ZNF160: variants seen among roughly 807,000 people sequenced by gnomAD.
ZNF160 encodes zinc finger protein 160, also known as KRAB zinc finger protein KR18.
In ZNF160, 9 loss-of-function variants were observed where a neutral mutation model predicts 13.1. That is an observed-to-expected ratio of 0.69 (90% CI 0.41 to 1.20). The LOEUF is 1.20. Ranked by LOEUF, ZNF160 falls within the 50% of genes most tolerant of loss-of-function variation. The pLI, the probability that ZNF160 is intolerant of heterozygous loss-of-function variation, is 0.01. For synonymous variants in ZNF160, 293 were observed against 333.2 expected (o/e 0.88, Z 1.31); for missense variants, 838 against 988.0 (o/e 0.85, Z 2.04).
In ZNF160 at chr19:53,068,536, G is replaced by C; in HGVS notation, c.1998C>G (p.Thr666=). ...KAFSMHSNLT[T]HKVIHTGEKP... ...TCTCTCCAGTATGGATGACCTTATG[G>C]GTAGTTAGGTTTGAATGCATACTAA... Residue 666 remains threonine, a synonymous_variant, in exon 6 of 6, where the codon ACC becomes ACG. Transcript: ENST00000683776. The C allele has an allele frequency of 1.2e-6, 2 of 1,614,022 alleles. No homozygotes were observed. The highest frequency in any genetic ancestry group is 1.7e-6 in the Non-Finnish European group (2 of 1,180,006).
At chr19:53,090,914 C>T (rs2085010669) in intron 2 of ZNF160, 1 of 152,294 alleles carries the variant, frequency 6.6e-6, no homozygotes, top group African/African-American at 2.4e-5. Context: ...GGCATGAAAG[C>T]TCTCTACATG....
At position 53,066,752 on chromosome 19, in the gene ZNF160, C is replaced by G. The variant is rs1316891113; in HGVS notation, c.*1325G>C. The G allele has an allele frequency of 1.3e-5, 2 of 152,122 alleles. No individual in the cohort carries two copies. The highest frequency in any genetic ancestry group is 4.8e-5 in the African/African-American group (2 of 41,422). The allele number at this position is 152,122 out of a possible 1,614,324, so 9.4% of individuals were successfully genotyped here. On this transcript the variant is annotated 3_prime_UTR_variant, in exon 6 of 6. Transcript: ENST00000683776. ...TGTTACTCTACTTCTGTTGATTAAACTCTTCACTCTGACAACTACTCTCTC... is the reference window on the plus strand; with the variant it reads ...TGTTACTCTACTTCTGTTGATTAAAGTCTTCACTCTGACAACTACTCTCTC...
At position 53,067,727 on chromosome 19, in the gene ZNF160, G is replaced by C. The variant is rs2084010865; in HGVS notation, c.*350C>G. ...TATAATTTTTAGCATATTTGGACTT[G>C]TGAGTATTCTACAGTGTATAATATC... is the stretch of plus-strand genomic sequence containing the variant. On this transcript the variant is annotated 3_prime_UTR_variant, in exon 6 of 6. Coordinates refer to ENST00000683776, the MANE Select transcript of ZNF160 (RefSeq NM_001322131.2). The C allele has an allele frequency of 5.1e-6, 1 of 194,246 alleles. No individual in the cohort carries two copies. The highest frequency in any genetic ancestry group is 2.3e-5 in the African/African-American group (1 of 43,044). 12.0% of individuals were successfully genotyped at this position (194,246 alleles called of 1,614,324 possible). A position where few individuals can be genotyped will look rare whatever the true frequency, so the allele number is the denominator to read the frequency against.
chr19:53,067,078 GC>G lies in ZNF160; in HGVS notation c.*998del, dbSNP rs2083992684. 1.3e-5 allele frequency: 2 copies of G among 152,156 alleles called. No homozygotes were observed. Among genetic ancestry groups the G allele is most frequent in the South Asian group, 4.1e-4 (2 of 4,830 alleles). 9.4% of individuals were successfully genotyped at this position (152,156 alleles called of 1,614,324 possible). On this transcript the variant is annotated 3_prime_UTR_variant, in exon 6 of 6. Coordinates refer to ENST00000683776, the MANE Select transcript of ZNF160 (RefSeq NM_001322131.2). Reference sequence around the variant, plus strand: ...TTACAGGTGTGAGCCACCGCGCCTGGCCTCTCTCTTCAATTTCAAAACAAGA... The same window carrying G: ...TTACAGGTGTGAGCCACCGCGCCTGGCTCTCTCTTCAATTTCAAAACAAGA...
rs74341609 is a variant in ZNF160 at position 53,083,223 on chromosome 19, G to A, written c.15+3039C>T. Among the ~76,000 whole-genome samples the A allele has an allele frequency of 7.8e-4, 119 of 152,154 alleles. 1 individual carries two copies. In the East Asian group the frequency reaches 0.019, roughly 24 times the overall value. On this transcript the variant is annotated intron_variant, in intron 3 of 5. Transcript: ENST00000683776. ...ACTGGTGATCAACTTAACCTTCGTC[G>A]CCTCTCCCCCTCCCTGGTAGCTGAG... is the stretch of plus-strand genomic sequence containing the variant.
chr19:53,075,692 C>T, intron 3 of ZNF160: 1 of 517,216 alleles, frequency 1.9e-6, no homozygotes, highest in South Asian at 1.4e-5. Flanking sequence ...TAGATCACTT[C>T]CATCTAGATG....
At chr19:53,074,760 A>G (rs143099909) in intron 4 of ZNF160, among the ~76,000 whole-genome samples, 4 of 152,228 alleles carry the variant, frequency 2.6e-5, no homozygotes, top group African/African-American at 9.6e-5. Context: ...TATTCCACCA[A>G]CAACTTAATC....
intron 1 of ZNF160, among the ~76,000 whole-genome samples, chr19:53,101,441 T>C (rs1412554410): frequency 6.6e-6 from 1 of 150,500 alleles, no homozygotes; most frequent in Non-Finnish European, 1.5e-5. Flanking sequence ...TATTATTTAA[T>C]ATGTATATGA....
intron 5 of ZNF160, chr19:53,073,149 G>A: frequency 1.5e-6 from 2 of 1,373,198 alleles, no homozygotes; most frequent in Non-Finnish European, 1.9e-6. Flanking sequence ...CCAACCTGTG[G>A]TAACCCACAT....
intron 1 of ZNF160, among the ~76,000 whole-genome samples, chr19:53,099,081 C>G (rs991261587): frequency 8.4e-6 from 1 of 118,830 alleles, no homozygotes; most frequent in East Asian, 2.2e-4. Flanking sequence ...CTGCAGTCGT[C>G]CCGTGGCCAA....
chr19:53,066,778 TTCAG>T lies in ZNF160; in HGVS notation c.*1295_*1298del. ...TCTTCACTCTGACAACTACTCTCTC[TTCAG>T]TTTTTCTTTTTCTTCTTTAGATGGA... On this transcript the variant is annotated 3_prime_UTR_variant, in exon 6 of 6. Transcript: ENST00000683776. 6.6e-6 allele frequency: 1 copy of T among 152,286 alleles called. No individual in the cohort carries two copies. Among genetic ancestry groups the T allele is most frequent in the Middle Eastern group, 3.4e-3 (1 of 294 alleles). The allele number at this position is 152,286 out of a possible 1,614,324, so 9.4% of individuals were successfully genotyped here.
At chr19:53,097,931 G>A (rs1319954154) in intron 1 of ZNF160, among the ~76,000 whole-genome samples, 1 of 152,198 alleles carries the variant, frequency 6.6e-6, no homozygotes, top group Non-Finnish European at 1.5e-5. Context: ...TCCTGCTGCT[G>A]AAGCTCCCTC....
chr19:53,101,740 C>A (rs956499671), intron 1 of ZNF160, among the ~76,000 whole-genome samples: 1 of 152,176 alleles, frequency 6.6e-6, no homozygotes, highest in Non-Finnish European at 1.5e-5. Context: ...AGACCCATAA[C>A]TGAATGAGGC....
intron 3 of ZNF160, among the ~76,000 whole-genome samples, chr19:53,082,248 C>A (rs887282996): frequency 2.6e-5 from 4 of 152,214 alleles, no homozygotes; most frequent in South Asian, 2.1e-4. Context: ...TCACGTGTAC[C>A]CCCTGAATCT....
intron 3 of ZNF160, 87 bp downstream of exon 3, chr19:53,086,175 G>T: frequency 2.1e-6 from 3 of 1,439,686 alleles, no homozygotes; most frequent in Non-Finnish European, 2.9e-6. Context: ...CAGGCAGGAC[G>T]CTTCAGACTC....
intron 1 of ZNF160, among the ~76,000 whole-genome samples, chr19:53,100,557 C>A (rs866525415): frequency 2.0e-5 from 3 of 151,844 alleles, no homozygotes; most frequent in Non-Finnish European, 4.4e-5. Flanking sequence ...TTGCAGTGAG[C>A]CGAGATTGCA....
At chr19:53,079,952 C>T (rs968000346) in intron 3 of ZNF160, among the ~76,000 whole-genome samples, 1 of 151,524 alleles carries the variant, frequency 6.6e-6, no homozygotes, top group Non-Finnish European at 1.5e-5. Context: ...AAACAACAAA[C>T]GAAAAGGAAA....
In ZNF160 at chr19:53,070,036, T is replaced by C. The variant is rs150656147; in HGVS notation, c.498A>G (p.Gln166=). The change falls in exon 6 of 6, where the codon CAA becomes CAG. Residue 166 remains glutamine (Q), a synonymous_variant. Transcript: ENST00000683776. ...LMAQKEGKRD[Q]RDRRDIENKL... is the part of the protein sequence containing the mutation. ...TGTTTTCTATGTCTCTTCTGTCGCG[T>C]TGATCTCTTTTACCTTCTTTCTGGG... 2 of 1,614,050 alleles carry C rather than the reference T, an allele frequency of 1.2e-6. No homozygotes were observed. The highest frequency in any genetic ancestry group is 1.7e-6 in the Non-Finnish European group (2 of 1,179,948).
chr19:53,066,806 G>T lies in ZNF160; in HGVS notation c.*1271C>A, dbSNP rs8112491. 1 of 152,044 alleles carries T rather than the reference G, an allele frequency of 6.6e-6. No homozygotes were observed. The highest frequency in any genetic ancestry group is 1.5e-5 in the Non-Finnish European group (1 of 68,038). 9.4% of individuals were successfully genotyped at this position (152,044 alleles called of 1,614,324 possible). ...AGTTTTTCTTTTTCTTCTTTAGATG[G>T]AGTTTTGTTCTTGTTGCCCAGGCTG... On this transcript the variant is annotated 3_prime_UTR_variant, in exon 6 of 6. Transcript: ENST00000683776.
Sources: allele counts gnomAD v4.1 joint callset (sites outside exome capture counted in the v4.1 genomes callset), GRCh38; gene constraint gnomAD v4.1.1; transcripts MANE v1.5; gene names NCBI Gene and HGNC (gene_info 2026-07-23, HGNC 2026-07-21).